The following ADAM9 variants were observed in gnomAD, a reference collection of about 807,000 sequenced individuals.
The protein encoded by ADAM9 is disintegrin and metalloproteinase domain-containing protein 9.
ADAM9 carries 54 observed loss-of-function variants against 108.1 expected under a neutral mutation model. That is an observed-to-expected ratio of 0.50 (90% confidence interval 0.40 to 0.63). ADAM9 has a LOEUF of 0.63. Among genes scored for constraint, ADAM9 ranks in the 20% least tolerant of loss-of-function variants. The pLI, the probability that ADAM9 is intolerant of heterozygous loss-of-function variation, is 0.00. For missense variants in ADAM9, 830 were observed against 997.7 expected, an observed-to-expected ratio of 0.83 and a Z score of 2.26; for synonymous variants, 316 against 336.0, an observed-to-expected ratio of 0.94 and a Z score of 0.65.
chr8:39,045,434 G>A (rs1837711551), intron 12 of ADAM9, among the ~76,000 whole-genome samples: 1 of 132,918 alleles, frequency 7.5e-6, no homozygotes, highest in Non-Finnish European at 1.7e-5. Context: ...ACACCTATAT[G>A]TGCGCGTGTG....
intron 20 of ADAM9, among the ~76,000 whole-genome samples, chr8:39,094,602 CTTA>C (rs1349760676): frequency 1.3e-5 from 2 of 152,106 alleles, no homozygotes; most frequent in African/African-American, 4.8e-5. Context: ...AATCTCCTTA[CTTA>C]TTATTGATCT....
chr8:39,040,405 GT>G (rs1837423943), intron 11 of ADAM9, among the ~76,000 whole-genome samples: 1 of 152,120 alleles, frequency 6.6e-6, no homozygotes, highest in South Asian at 2.1e-4. Context: ...TTTCATTGTG[GT>G]TTTGATTTGC....
chr8:39,088,412 G>A lies in ADAM9; in HGVS notation c.2069-1635G>A, dbSNP rs571276862. Among the ~76,000 whole-genome samples, 4 of 151,906 alleles carry A rather than the reference G, an allele frequency of 2.6e-5. No homozygotes were observed. In the South Asian group the frequency reaches 6.3e-4, roughly 24 times the overall value. ...TGGGACTACAGGCGCCTGCCACCAC[G>A]CCCAGCTAATTTTTTTTTGTATTTT... is the stretch of plus-strand genomic sequence containing the variant. On this transcript the variant is annotated intron_variant, in intron 18 of 21. Transcript: ENST00000487273.
intron 16 of ADAM9, among the ~76,000 whole-genome samples, chr8:39,078,362 CAAA>C (rs56899480): frequency 3.0e-5 from 4 of 132,164 alleles, no homozygotes; most frequent in Non-Finnish European, 3.3e-5. Context: ...GACTCTGTCT[CAAA>C]AAAAAAAAAA....
At chr8:39,014,222 T>C in intron 4 of ADAM9, 179 bp downstream of exon 4, 1 of 617,356 alleles carries the variant, frequency 1.6e-6, no homozygotes, top group Non-Finnish European at 2.9e-6. Context: ...AGCTGTACCT[T>C]ACAGCTCTCC....
At chr8:39,045,702 A>G (rs974306063) in intron 12 of ADAM9, among the ~76,000 whole-genome samples, 3 of 152,016 alleles carry the variant, frequency 2.0e-5, no homozygotes, top group South Asian at 4.1e-4. Context: ...TTTTTACATA[A>G]CGATTTATTT....
At chr8:39,021,007 A>G (rs1431963650) in intron 7 of ADAM9, among the ~76,000 whole-genome samples, 1 of 152,176 alleles carries the variant, frequency 6.6e-6, no homozygotes, top group Non-Finnish European at 1.5e-5. Context: ...TTAAAACTCT[A>G]CCTTTGTGAA....
intron 15 of ADAM9, among the ~76,000 whole-genome samples, chr8:39,076,936 A>T (rs1203396352): frequency 6.6e-6 from 1 of 152,208 alleles, no homozygotes; most frequent in East Asian, 1.9e-4. Flanking sequence ...CAACTTTATT[A>T]GTTAGGCTGT....
Position 39,055,683 on chromosome 8 carries a change from A to G in ADAM9, c.1502A>G (p.Asn501Ser), listed in dbSNP as rs866611764. ...QFCQPDVFIQ[N>S]GYPCQNNKAY... ...TGTCAGCCAGATGTTTTTATTCAGA[A>G]TGGATATCCTTGCCAGAATAACAAA... is the stretch of plus-strand genomic sequence containing the variant. The change falls in exon 14 of 22, where the codon AAT (asparagine) becomes AGT (serine). Residue 501 changes from asparagine to serine, a missense_variant. By Grantham distance (46) the Asn-to-Ser change is conservative. Coordinates refer to ENST00000487273, the MANE Select transcript of ADAM9 (RefSeq NM_003816.3). The G allele has an allele frequency of 1.2e-6, 2 of 1,613,784 alleles. No homozygotes were observed. The highest frequency in any genetic ancestry group is 1.7e-4 in the Middle Eastern group (1 of 6,058).
intron 18 of ADAM9, among the ~76,000 whole-genome samples, chr8:39,089,246 C>T (rs962926083): frequency 3.3e-5 from 5 of 151,070 alleles, no homozygotes; most frequent in Non-Finnish European, 2.9e-5. Flanking sequence ...GACTCCATCT[C>T]GGGAAAAGAA....
intron 8 of ADAM9, among the ~76,000 whole-genome samples, chr8:39,022,249 G>C (rs1032981942): frequency 2.0e-5 from 3 of 152,124 alleles, no homozygotes; most frequent in African/African-American, 7.2e-5. Context: ...CGATGATGAT[G>C]ATAGCATTCA....
At chr8:39,008,800 T>C (rs1836250442) in intron 2 of ADAM9, among the ~76,000 whole-genome samples, 1 of 152,216 alleles carries the variant, frequency 6.6e-6, no homozygotes, top group Non-Finnish European at 1.5e-5. Flanking sequence ...TACTGTGCTG[T>C]AAATGGGGTA....
chr8:39,061,949 A>G (rs1838313231), intron 14 of ADAM9, among the ~76,000 whole-genome samples: 1 of 151,404 alleles, frequency 6.6e-6, no homozygotes, highest in Non-Finnish European at 1.5e-5. Context: ...CTTATTTCTC[A>G]GAGTTCTGGA....
chr8:39,084,135 G>C (rs1839107650), intron 18 of ADAM9, among the ~76,000 whole-genome samples: 1 of 151,986 alleles, frequency 6.6e-6, no homozygotes, highest in African/African-American at 2.4e-5. Flanking sequence ...TATCTTCTTT[G>C]GTTATGTGTC....
At chr8:39,084,705 G>T (rs1458283436) in intron 18 of ADAM9, among the ~76,000 whole-genome samples, 1 of 151,816 alleles carries the variant, frequency 6.6e-6, no homozygotes, top group Non-Finnish European at 1.5e-5. Context: ...TAAGTTATTA[G>T]TTCATGTCAG....
intron 7 of ADAM9, among the ~76,000 whole-genome samples, chr8:39,019,999 T>C (rs1335220786): frequency 2.0e-5 from 3 of 152,222 alleles, no homozygotes; most frequent in Non-Finnish European, 4.4e-5. Flanking sequence ...CAAAATGTTT[T>C]CCTTGGCTGG....
chr8:39,061,113 T>C (rs1838284816), intron 14 of ADAM9, among the ~76,000 whole-genome samples: 2 of 152,232 alleles, frequency 1.3e-5, no homozygotes, highest in South Asian at 2.1e-4. Context: ...TCCCTGCCCC[T>C]GCATCTTTCA....
intron 6 of ADAM9, among the ~76,000 whole-genome samples, chr8:39,017,975 G>A (rs899156505): frequency 9.2e-5 from 14 of 152,210 alleles, no homozygotes; most frequent in Admixed American, 3.3e-4. Context: ...GAGAGATACG[G>A]CTTTAGGAAC....
intron 12 of ADAM9, among the ~76,000 whole-genome samples, chr8:39,045,369 TGTA>T (rs1303902031): frequency 9.2e-6 from 1 of 108,568 alleles, no homozygotes; most frequent in Non-Finnish European, 2.0e-5. Context: ...TATAGGTGTG[TGTA>T]CATACACCTA....
Sources: allele counts gnomAD v4.1 joint callset (sites outside exome capture counted in the v4.1 genomes callset), GRCh38; gene constraint gnomAD v4.1.1; transcripts MANE v1.5; gene names NCBI Gene and HGNC (gene_info 2026-07-23, HGNC 2026-07-21).